CNTNAP2: variants seen among roughly 807,000 people sequenced by gnomAD.
CNTNAP2 encodes the protein contactin associated protein 2, also known as contactin-associated protein-like 2.
Under a neutral mutation model 155.2 loss-of-function variants are expected in CNTNAP2, and 98 were observed. That is an observed-to-expected ratio of 0.63 (90% CI 0.54 to 0.75). CNTNAP2 has a LOEUF of 0.75. Ranked by LOEUF, CNTNAP2 falls within the 30% of genes least tolerant of loss-of-function variation. The pLI is 0.00. For missense variants in CNTNAP2, 1,727 were observed against 1,688.1 expected, an observed-to-expected ratio of 1.02 and a Z score of -0.40; for synonymous variants, 651 against 631.2, an observed-to-expected ratio of 1.03 and a Z score of -0.47.
chr7:147,108,632 G>A (rs1800816148), intron 5 of CNTNAP2, among the ~76,000 whole-genome samples: 1 of 152,090 alleles, frequency 6.6e-6, no homozygotes, highest in Admixed American at 6.6e-5. Flanking sequence ...CCTAACGGAG[G>A]AATCAGACCA....
intron 1 of CNTNAP2, among the ~76,000 whole-genome samples, chr7:146,650,977 G>A (rs534882951): frequency 1.2e-4 from 19 of 152,054 alleles, no homozygotes; most frequent in African/African-American, 4.1e-4. Context: ...ATATGATCAC[G>A]CTGGTGGATA....
chr7:146,354,411 A>ATT (rs10641636), intron 1 of CNTNAP2, among the ~76,000 whole-genome samples: 12,592 of 135,186 alleles, frequency 0.093, 1,406 homozygotes, highest in African/African-American at 0.25. Context: ...TCTTGTTAGT[A>ATT]TTTTTTTTTT....
At chr7:148,213,877 C>T (rs970217910) in intron 18 of CNTNAP2, among the ~76,000 whole-genome samples, 3 of 152,182 alleles carry the variant, frequency 2.0e-5, no homozygotes, top group Non-Finnish European at 4.4e-5. Context: ...CCCCAACACC[C>T]AGCTGAAATG....
intron 1 of CNTNAP2, among the ~76,000 whole-genome samples, chr7:146,127,494 A>G (rs1273672080): frequency 6.6e-6 from 1 of 152,210 alleles, no homozygotes; most frequent in Non-Finnish European, 1.5e-5. Context: ...TAAACCACAA[A>G]TATTTTCCTC....
chr7:147,209,693 C>A (rs1243148901), intron 8 of CNTNAP2, among the ~76,000 whole-genome samples: 1 of 151,906 alleles, frequency 6.6e-6, no homozygotes. Context: ...TCAACTTTTT[C>A]CCATGCAGTA....
chr7:146,734,940 G>A (rs1801585954), intron 1 of CNTNAP2, among the ~76,000 whole-genome samples: 1 of 152,086 alleles, frequency 6.6e-6, no homozygotes. Context: ...ATTTTCTGAA[G>A]GAGTACAGCG....
intron 1 of CNTNAP2, among the ~76,000 whole-genome samples, chr7:146,769,046 G>C (rs1234121469): frequency 1.3e-5 from 2 of 152,190 alleles, no homozygotes; most frequent in African/African-American, 2.4e-5. Context: ...CTCTGCTCCA[G>C]CTTGAGTTAG....
chr7:148,022,460 C>A (rs1331575902), intron 15 of CNTNAP2, among the ~76,000 whole-genome samples: 1 of 112,360 alleles, frequency 8.9e-6, no homozygotes, highest in African/African-American at 4.0e-5. Context: ...CAGAGGGAGA[C>A]TCCGTCTCAA....
At chr7:146,817,945 AG>A (rs1434857452) in intron 2 of CNTNAP2, among the ~76,000 whole-genome samples, 1 of 152,174 alleles carries the variant, frequency 6.6e-6, no homozygotes, top group Non-Finnish European at 1.5e-5. Context: ...TGTTAAAAAA[AG>A]AATATAAGAT....
At chr7:146,325,136 G>A (rs1308455489) in intron 1 of CNTNAP2, among the ~76,000 whole-genome samples, 1 of 151,820 alleles carries the variant, frequency 6.6e-6, no homozygotes, top group Non-Finnish European at 1.5e-5. Flanking sequence ...TCACTCTGTT[G>A]CCCAGGCTGG....
At position 146,116,997 on chromosome 7, in the gene CNTNAP2, G is replaced by T; in HGVS notation, c.97+24G>T. The T allele has an allele frequency of 6.5e-7, 1 of 1,542,422 alleles. No individual in the cohort carries two copies. Among genetic ancestry groups the T allele is most frequent in the Non-Finnish European group, 8.8e-7 (1 of 1,139,532 alleles). ...CCGTAAGTAGCCGTCTCCTCGCTCT[G>T]CTCTGGAGCAGTTTCAGTGCGGCAT... is the stretch of plus-strand genomic sequence containing the variant. On this transcript the variant is annotated intron_variant, in intron 1 of 23. Coordinates refer to ENST00000361727, the MANE Select transcript of CNTNAP2 (RefSeq NM_014141.6). The surrounding 1 kb of genome is among the most constrained non-coding windows in gnomAD (Gnocchi z 5.5).
At chr7:146,228,872 T>C (rs887273294) in intron 1 of CNTNAP2, among the ~76,000 whole-genome samples, 4 of 152,184 alleles carry the variant, frequency 2.6e-5, no homozygotes, top group African/African-American at 9.6e-5. Context: ...GCACAATTTC[T>C]CATCCACAAA....
At chr7:148,279,195 G>A (rs1465482639) in intron 21 of CNTNAP2, among the ~76,000 whole-genome samples, 1 of 152,188 alleles carries the variant, frequency 6.6e-6, no homozygotes, top group Non-Finnish European at 1.5e-5. Flanking sequence ...TTCCAGCTGT[G>A]GGATGCTGTA....
chr7:146,238,588 G>C (rs1229400614), intron 1 of CNTNAP2, among the ~76,000 whole-genome samples: 1 of 151,846 alleles, frequency 6.6e-6, no homozygotes, highest in African/African-American at 2.4e-5. Context: ...TTTTATGAGT[G>C]AGGAAAAAAA....
chr7:147,423,194 A>G (rs1279630619), intron 10 of CNTNAP2, among the ~76,000 whole-genome samples: 2 of 152,174 alleles, frequency 1.3e-5, no homozygotes, highest in Admixed American at 1.3e-4. Flanking sequence ...TCCACCCTTA[A>G]AGTTCTTTCC....
chr7:148,132,528 G>A (rs537862900), intron 16 of CNTNAP2, among the ~76,000 whole-genome samples: 92 of 152,144 alleles, frequency 6.0e-4, no homozygotes, highest in South Asian at 1.2e-3. Context: ...ATAGCTAACC[G>A]TAAAGAGCTC....
At chr7:146,992,967 T>A (rs1342394039) in intron 3 of CNTNAP2, among the ~76,000 whole-genome samples, 1 of 152,172 alleles carries the variant, frequency 6.6e-6, no homozygotes, top group East Asian at 1.9e-4. Flanking sequence ...ACACATGTTT[T>A]AAGATGCCAT....
At chr7:147,023,365 T>C (rs892188115) in intron 3 of CNTNAP2, among the ~76,000 whole-genome samples, 7 of 152,210 alleles carry the variant, frequency 4.6e-5, no homozygotes, top group Non-Finnish European at 1.0e-4. Context: ...ATCTTTTAAA[T>C]TAAATTTTTA....
intron 2 of CNTNAP2, among the ~76,000 whole-genome samples, chr7:146,795,397 G>C (rs907950064): frequency 1.3e-5 from 2 of 152,122 alleles, no homozygotes; most frequent in Non-Finnish European, 2.9e-5. Flanking sequence ...TAAAAGTACA[G>C]AATATATTAT....
Sources: gnomAD v4.1 joint callset for allele counts (sites outside exome capture counted in the v4.1 genomes callset) on GRCh38, gnomAD v4.1.1 for gene constraint, Gnocchi (gnomAD v3.1) non-coding constraint, MANE v1.5 for transcripts, NCBI Gene and HGNC (gene_info 2026-07-23, HGNC 2026-07-21) for gene names.